The following FBXL14 variants were observed in gnomAD, a reference collection of about 807,000 sequenced individuals.
FBXL14 encodes F-box/LRR-repeat protein 14.
FBXL14 carries 11 observed loss-of-function variants against 24.5 expected under a neutral mutation model. The ratio of observed to expected loss-of-function variants is 0.45; its 90% CI spans 0.28 to 0.74. FBXL14 has a LOEUF of 0.74. FBXL14 is among the 30% of genes least tolerant of loss of function. The pLI is 0.12. For synonymous variants in FBXL14, 294 were observed against 240.4 expected (o/e 1.22, Z -2.06); for missense variants, 384 against 545.6 (o/e 0.70, Z 2.95).
At chr12:1,589,225 A>C (rs1186855022) in intron 1 of FBXL14, among the ~76,000 whole-genome samples, 9 of 81,190 alleles carry the variant, frequency 1.1e-4, no homozygotes, top group Admixed American at 7.7e-4. Flanking sequence ...CTGTTTCTAC[A>C]AAAAAAATAC....
chr12:1,566,845 A>G, intron 1 of FBXL14, 35 bp from the exon 2 acceptor site: 2 of 780,336 alleles, frequency 2.6e-6, no homozygotes, highest in Non-Finnish European at 4.8e-6. Context: ...CCATTTTGAA[A>G]GAGACTGCCG....
rs559658338 is a variant in FBXL14, at chr12:1,569,538, T to C, written c.1195-2728A>G. On this transcript the variant is annotated intron_variant, in intron 1 of 1. Transcript: ENST00000339235. The surrounding 1 kb of genome is among the most constrained non-coding windows in gnomAD (Gnocchi z 4.2). ...GCCTCAGCCTCCTGAGTAGCTGGGA[T>C]TACAGGCGCCCGCCACCACGCCCGG... is the stretch of plus-strand genomic sequence containing the variant. Among the ~76,000 whole-genome samples the C allele has an allele frequency of 7.8e-3, 1,188 of 152,150 alleles. 12 individuals are homozygous for C. The highest frequency in any genetic ancestry group is 0.025 in the African/African-American group (1,035 of 41,502).
In FBXL14 at chr12:1,572,141, A is replaced by G. The variant is rs533329503; in HGVS notation, c.1195-5331T>C. ...AGGCTTTGGGGGCAGTGAAAAAAAA[A>G]GTAGGATTTACATGCAGATAGGCAA... On this transcript the variant is annotated intron_variant, in intron 1 of 1. Transcript: ENST00000339235. 5.3e-5 allele frequency among the ~76,000 whole-genome samples: 8 copies of G among 152,354 alleles called. No homozygotes were observed. In the South Asian group the frequency reaches 1.7e-3, roughly 32 times the overall value.
rs1278372106 is a variant in FBXL14 at position 1,566,137 on chromosome 12, A to G, written c.*611T>C. 1 of 152,632 alleles carries G rather than the reference A, an allele frequency of 6.6e-6. No homozygotes were observed. Among genetic ancestry groups the G allele is most frequent in the African/African-American group, 2.4e-5 (1 of 41,426 alleles). The allele number at this position is 152,632 out of a possible 1,614,324, so 9.5% of individuals were successfully genotyped here. A position where few individuals can be genotyped will look rare whatever the true frequency, so the allele number is the denominator to read the frequency against. On this transcript the variant is annotated 3_prime_UTR_variant, in exon 2 of 2. Transcript: ENST00000339235. The stretch of plus-strand genomic sequence containing the variant: ...CAGTAAACATTATTAATGAATGATA[A>G]TGATTTGTCAGTGATTGAAATTGTT...
In FBXL14 at chr12:1,592,843, G is replaced by A. The variant is rs2094493739; in HGVS notation, c.1194+30C>T. The A allele has an allele frequency of 3.9e-6, 6 of 1,533,886 alleles. No individual in the cohort carries two copies. In the East Asian group the frequency reaches 1.1e-4, roughly 29 times the overall value. ...TGGGAGGATGAACAGGGCGGGACAA[G>A]GGGAGCTGGTGCTGCCGCCCTCACC... On this transcript the variant is annotated intron_variant, in intron 1 of 1. Coordinates refer to ENST00000339235, the MANE Select transcript of FBXL14 (RefSeq NM_152441.3).
In FBXL14 at chr12:1,569,920, C is replaced by G. The variant is rs1440522082; in HGVS notation, c.1195-3110G>C. 2.6e-5 allele frequency among the ~76,000 whole-genome samples: 4 copies of G among 152,226 alleles called. No individual in the cohort carries two copies. Among genetic ancestry groups the G allele is most frequent in the African/African-American group, 9.7e-5 (4 of 41,450 alleles). On this transcript the variant is annotated intron_variant, in intron 1 of 1. Transcript: ENST00000339235. This position sits in a 1 kb window ranked among gnomAD's most constrained non-coding sequence, Gnocchi z 4.2. ...ATGCCCACTGCAGAGCCAGCATCCCCCTCGAGAGCTGCACTTCTGCCCTCA... is the reference window on the plus strand; with the variant it reads ...ATGCCCACTGCAGAGCCAGCATCCCGCTCGAGAGCTGCACTTCTGCCCTCA...
intron 1 of FBXL14, among the ~76,000 whole-genome samples, chr12:1,578,341 T>A (rs1794521863): frequency 6.6e-6 from 1 of 152,202 alleles, no homozygotes; most frequent in African/African-American, 2.4e-5. Context: ...AAGAGTGACT[T>A]TTAAAACAAT....
intron 1 of FBXL14, among the ~76,000 whole-genome samples, chr12:1,576,380 A>G (rs2094455925): frequency 6.6e-6 from 1 of 152,070 alleles, no homozygotes; most frequent in South Asian, 2.1e-4. Flanking sequence ...AATAGGTTGA[A>G]ACTGACATCG....
intron 1 of FBXL14, among the ~76,000 whole-genome samples, chr12:1,571,928 A>G (rs979636324): frequency 1.3e-5 from 2 of 152,242 alleles, no homozygotes; most frequent in Non-Finnish European, 2.9e-5. Flanking sequence ...GAATGAAGAC[A>G]GTTCTGTGCT....
chr12:1,582,780 C>T (rs2094469210), intron 1 of FBXL14, among the ~76,000 whole-genome samples: 1 of 152,178 alleles, frequency 6.6e-6, no homozygotes, highest in Admixed American at 6.5e-5. Context: ...GGATAACTGC[C>T]TCCACCTTTT....
At chr12:1,572,966 C>T (rs1220511072) in intron 1 of FBXL14, among the ~76,000 whole-genome samples, 1 of 152,158 alleles carries the variant, frequency 6.6e-6, no homozygotes, top group African/African-American at 2.4e-5. Context: ...TTCATAACTT[C>T]CAGGCTGATT....
chr12:1,580,593 G>A (rs1331818096), intron 1 of FBXL14, among the ~76,000 whole-genome samples: 1 of 152,010 alleles, frequency 6.6e-6, no homozygotes, highest in Non-Finnish European at 1.5e-5. Context: ...AAATAATTGC[G>A]GACCCAAACC....
chr12:1,594,068 T>G lies in FBXL14; in HGVS notation c.-2A>C. 6.8e-7 allele frequency: 1 copy of G among 1,463,294 alleles called. No homozygotes were observed. The highest frequency in any genetic ancestry group is 9.0e-7 in the Non-Finnish European group (1 of 1,115,642). The allele number at this position is 1,463,294 out of a possible 1,614,324, so 90.6% of individuals were successfully genotyped here. A position where few individuals can be genotyped will look rare whatever the true frequency, so the allele number is the denominator to read the frequency against. ...CAGGCATGAGATGTGGGTCTCCATC[T>G]TCCTCCTCCCCCCTCCGCGGCGCTG... On this transcript the variant is annotated 5_prime_UTR_variant, in exon 1 of 2. Transcript: ENST00000339235.
chr12:1,589,803 G>A (rs967901504), intron 1 of FBXL14, among the ~76,000 whole-genome samples: 2 of 152,182 alleles, frequency 1.3e-5, no homozygotes, highest in African/African-American at 2.4e-5. Context: ...TCAGGATAAG[G>A]ATATAGCTAG....
intron 1 of FBXL14, among the ~76,000 whole-genome samples, chr12:1,582,145 AAGGAAGG>A (rs1036107723): frequency 7.3e-5 from 11 of 151,490 alleles, no homozygotes; most frequent in African/African-American, 2.4e-4. Context: ...GGAAGGAAGG[AAGGAAGG>A]AAGGAAAGGA....
intron 1 of FBXL14, among the ~76,000 whole-genome samples, chr12:1,589,114 AGAGT>A (rs2094482923): frequency 6.6e-6 from 1 of 150,834 alleles, no homozygotes. Context: ...TGGGCCACGC[AGAGT>A]GGCTCACGCC....
chr12:1,573,515 T>TA (rs1565582552), intron 1 of FBXL14, among the ~76,000 whole-genome samples: 1 of 151,980 alleles, frequency 6.6e-6, no homozygotes, highest in African/African-American at 2.4e-5. Context: ...AGCAGTGATG[T>TA]AAAGAGGATG....
intron 1 of FBXL14, among the ~76,000 whole-genome samples, chr12:1,585,487 T>C (rs2094474801): frequency 6.6e-6 from 1 of 152,210 alleles, no homozygotes; most frequent in Non-Finnish European, 1.5e-5. Context: ...TGAACCTTGG[T>C]AGGAAATATT....
intron 1 of FBXL14, among the ~76,000 whole-genome samples, chr12:1,572,169 A>G (rs563005297): frequency 1.2e-3 from 186 of 152,396 alleles, no homozygotes; most frequent in Non-Finnish European, 1.8e-3. Flanking sequence ...ATAGGCAAGG[A>G]TAGAGCATTT....
Sources: allele counts gnomAD v4.1 joint callset (sites outside exome capture counted in the v4.1 genomes callset), GRCh38; gene constraint gnomAD v4.1.1; non-coding constraint Gnocchi (gnomAD v3.1); transcripts MANE v1.5; gene names NCBI Gene and HGNC (gene_info 2026-07-23, HGNC 2026-07-21).